Variants in MRAS observed in about 807,000 individuals in gnomAD.
MRAS encodes ras-related protein M-Ras.
A neutral mutation model predicts 20.9 loss-of-function variants in MRAS; 4 were observed. That is an observed-to-expected ratio of 0.19 (90% CI 0.09 to 0.44). The LOEUF (loss-of-function observed/expected upper bound fraction) is 0.44, where lower values mean the gene tolerates loss of function less well. Ranked by LOEUF, MRAS falls within the 20% of genes least tolerant of loss-of-function variation. MRAS has a pLI of 0.99. For synonymous variants in MRAS, 98 were observed against 102.9 expected (o/e 0.95, Z 0.29); for missense variants, 154 against 277.5 (o/e 0.56, Z 3.16).
At chr3:138,349,955 AAC>A (rs2054193479) in intron 1 of MRAS, 1 of 152,252 alleles carries the variant, frequency 6.6e-6, no homozygotes, top group Non-Finnish European at 1.5e-5. Context: ...AAAAAGAGCC[AAC>A]AGCTTGCCCA....
chr3:138,360,933 C>T (rs1256430161), intron 1 of MRAS, among the ~76,000 whole-genome samples: 2 of 152,178 alleles, frequency 1.3e-5, no homozygotes, highest in East Asian at 1.9e-4. Flanking sequence ...AGGGGCATGC[C>T]GAGCTTTCAG....
intron 2 of MRAS, among the ~76,000 whole-genome samples, chr3:138,377,315 AG>A (rs1364200443): frequency 6.6e-6 from 1 of 152,206 alleles, no homozygotes; most frequent in African/African-American, 2.4e-5. Context: ...TATTAAGAAA[AG>A]GAAGACTTGG....
intron 2 of MRAS, among the ~76,000 whole-genome samples, chr3:138,374,321 G>T (rs1000535025): frequency 1.3e-5 from 2 of 152,016 alleles, no homozygotes; most frequent in African/African-American, 4.8e-5. Flanking sequence ...TTTTATACCT[G>T]TATCTGTATT....
chr3:138,359,173 A>T (rs1400980442), intron 1 of MRAS, among the ~76,000 whole-genome samples: 1 of 152,164 alleles, frequency 6.6e-6, no homozygotes, highest in African/African-American at 2.4e-5. Context: ...TGCAGCAGTC[A>T]TTTAGGGCTT....
intron 1 of MRAS, among the ~76,000 whole-genome samples, chr3:138,361,981 G>A (rs897719124): frequency 6.6e-6 from 1 of 152,210 alleles, no homozygotes; most frequent in Non-Finnish European, 1.5e-5. Flanking sequence ...GCTTGATGCA[G>A]CTCTGCCTTC....
chr3:138,359,809 G>A (rs942123388), intron 1 of MRAS, among the ~76,000 whole-genome samples: 2 of 152,212 alleles, frequency 1.3e-5, no homozygotes, highest in Admixed American at 6.5e-5. Context: ...GCGAAGAGTT[G>A]TCTGCCTTAG....
chr3:138,386,271 T>TC lies in MRAS; in HGVS notation c.194-11047dup, dbSNP rs560544044. On this transcript the variant is annotated intron_variant, in intron 2 of 5. Coordinates refer to ENST00000423968, the MANE Select transcript of MRAS (RefSeq NM_001085049.3). ...ACCCATGAGCACTCACTCTCCATTC[T>TC]CCCCCCTCCTCAGTCCCTGAAACCA... Among the ~76,000 whole-genome samples the TC allele has an allele frequency of 3.0e-3, 459 of 151,258 alleles. 2 individuals are homozygous for TC. The highest frequency in any genetic ancestry group is 4.6e-3 in the Non-Finnish European group (311 of 67,806).
At chr3:138,382,522 A>T (rs2054926139) in intron 2 of MRAS, among the ~76,000 whole-genome samples, 1 of 152,190 alleles carries the variant, frequency 6.6e-6, no homozygotes, top group Non-Finnish European at 1.5e-5. Flanking sequence ...TTGGTAAAAT[A>T]GTGAAGTACT....
intron 1 of MRAS, among the ~76,000 whole-genome samples, chr3:138,363,346 C>T (rs2054489715): frequency 6.6e-6 from 1 of 152,174 alleles, no homozygotes; most frequent in Non-Finnish European, 1.5e-5. Context: ...CAGGCATGAG[C>T]CACCATGCCT....
At chr3:138,373,690 C>T (rs763412873) in intron 2 of MRAS, among the ~76,000 whole-genome samples, 1 of 152,130 alleles carries the variant, frequency 6.6e-6, no homozygotes, top group African/African-American at 2.4e-5. Flanking sequence ...TCTTCAACTT[C>T]GTTATTTTTC....
intron 1 of MRAS, among the ~76,000 whole-genome samples, chr3:138,358,454 T>C (rs1052614887): frequency 6.6e-6 from 1 of 152,266 alleles, no homozygotes; most frequent in Non-Finnish European, 1.5e-5. Context: ...ATTATTAAGC[T>C]ATCATTATTA....
At chr3:138,387,960 C>T (rs1030520721) in intron 2 of MRAS, among the ~76,000 whole-genome samples, 4 of 152,198 alleles carry the variant, frequency 2.6e-5, no homozygotes, top group African/African-American at 9.7e-5. Context: ...GCCGGCACTT[C>T]TCCCCTGATG....
chr3:138,387,130 G>A (rs546803657), intron 2 of MRAS, among the ~76,000 whole-genome samples: 13 of 152,326 alleles, frequency 8.5e-5, no homozygotes, highest in Non-Finnish European at 1.6e-4. Context: ...GGTCAGGTGG[G>A]TGGTGGTCAC....
intron 2 of MRAS, among the ~76,000 whole-genome samples, chr3:138,390,789 A>G (rs986882378): frequency 6.6e-6 from 1 of 152,172 alleles, no homozygotes; most frequent in South Asian, 2.1e-4. Flanking sequence ...GGTTCATACC[A>G]TTCCTGGGGT....
chr3:138,357,745 A>G (rs925672881), intron 1 of MRAS, among the ~76,000 whole-genome samples: 6 of 152,178 alleles, frequency 3.9e-5, no homozygotes, highest in African/African-American at 1.4e-4. Flanking sequence ...CTGCTAAGCC[A>G]CTATTATTGC....
chr3:138,354,555 G>C (rs78627070), intron 1 of MRAS, among the ~76,000 whole-genome samples: 1 of 152,204 alleles, frequency 6.6e-6, no homozygotes, highest in Admixed American at 6.5e-5. Context: ...ACATTGTGGA[G>C]AAGCCACTCT....
chr3:138,363,832 C>CT lies in MRAS; in HGVS notation c.-18-9034_-18-9033insT, dbSNP rs1393662549. Reference sequence around the variant, plus strand: ...GTTAGAGGATTTACCCCCCCCCCCCCCCAAACCACAGGGTACCCAGAGGGT... The same window carrying CT: ...GTTAGAGGATTTACCCCCCCCCCCCCTCCAAACCACAGGGTACCCAGAGGGT... On this transcript the variant is annotated intron_variant, in intron 1 of 5. Coordinates refer to ENST00000423968, the MANE Select transcript of MRAS (RefSeq NM_001085049.3). 2.5e-4 allele frequency among the ~76,000 whole-genome samples: 31 copies of CT among 123,904 alleles called. 3 individuals are homozygous for CT. Among genetic ancestry groups the CT allele is most frequent in the African/African-American group, 7.8e-4 (26 of 33,168 alleles). 81.3% of individuals were successfully genotyped at this position (123,904 alleles called of 152,430 possible).
rs561442000 is a variant in MRAS at position 138,390,256 on chromosome 3, A to G, written c.194-7068A>G. Among the ~76,000 whole-genome samples the G allele has an allele frequency of 1.7e-4, 26 of 151,604 alleles. No homozygotes were observed. The South Asian group carries it at 5.2e-3, about 30-fold the overall frequency. The stretch of plus-strand genomic sequence containing the variant: ...AAATCGATAAGCTCCCAGCAGTTCC[A>G]GGGTCTCCAGTTAAATCCTCCTTTG... On this transcript the variant is annotated intron_variant, in intron 2 of 5. Transcript: ENST00000423968.
chr3:138,389,895 G>A (rs2055094520), intron 2 of MRAS, among the ~76,000 whole-genome samples: 1 of 151,460 alleles, frequency 6.6e-6, no homozygotes, highest in South Asian at 2.1e-4. Context: ...GGCCACTGTC[G>A]GAGCCCCTGG....
Sources: gnomAD v4.1 joint callset for allele counts (sites outside exome capture counted in the v4.1 genomes callset) on GRCh38, gnomAD v4.1.1 for gene constraint, MANE v1.5 for transcripts, NCBI Gene and HGNC (gene_info 2026-07-23, HGNC 2026-07-21) for gene names.